FAM83B: variants seen among roughly 807,000 people sequenced by gnomAD.
FAM83B encodes scaffolding CK1 anchoring protein B.
In FAM83B, 26 loss-of-function variants were observed where a neutral mutation model predicts 38.8. The ratio of observed to expected loss-of-function variants is 0.67; its 90% CI spans 0.49 to 0.93. FAM83B has a LOEUF of 0.93. FAM83B is among the 40% of genes least tolerant of loss of function. The pLI is 0.00. For missense variants in FAM83B, 1,237 were observed against 1,197.3 expected (o/e 1.03, Z -0.49); for synonymous variants, 419 against 423.1 (o/e 0.99, Z 0.12).
intron 2 of FAM83B, among the ~76,000 whole-genome samples, chr6:54,871,600 G>A (rs564413107): frequency 2.0e-4 from 29 of 142,886 alleles, no homozygotes; most frequent in South Asian, 2.2e-4. Context: ...ATAATAAGCC[G>A]GATGTGGTGG....
At position 54,942,469 on chromosome 6, in the gene FAM83B, G is replaced by A. The variant is rs576192221; in HGVS notation, c.*462G>A. 2.6e-5 allele frequency among the ~76,000 whole-genome samples: 4 copies of A among 152,052 alleles called. No individual in the cohort carries two copies. Among genetic ancestry groups the A allele is most frequent in the South Asian group, 2.1e-4 (1 of 4,816 alleles). ...TTTTAAGATTAACTTGAAGTTCTAC[G>A]GGATAACTTGTTATATTTTATTAAT... is the stretch of plus-strand genomic sequence containing the variant. On this transcript the variant is annotated 3_prime_UTR_variant, in exon 5 of 5. Coordinates refer to ENST00000306858, the MANE Select transcript of FAM83B (RefSeq NM_001010872.3).
chr6:54,900,426 T>A (rs1467812463), intron 2 of FAM83B, among the ~76,000 whole-genome samples: 1 of 152,172 alleles, frequency 6.6e-6, no homozygotes, highest in African/African-American at 2.4e-5. Context: ...TGAAGAATAT[T>A]GAAGCAGAAA....
chr6:54,918,294 A>G (rs975330076), intron 2 of FAM83B, among the ~76,000 whole-genome samples: 1 of 152,192 alleles, frequency 6.6e-6, no homozygotes, highest in Admixed American at 6.5e-5. Context: ...TGATCCTTCA[A>G]TAGCAGCAAG....
intron 4 of FAM83B, among the ~76,000 whole-genome samples, chr6:54,930,755 A>G (rs553239152): frequency 6.6e-6 from 1 of 151,616 alleles, no homozygotes; most frequent in East Asian, 1.9e-4. Flanking sequence ...TGTTTTTTCT[A>G]GTTTCTTGAG....
intron 2 of FAM83B, among the ~76,000 whole-genome samples, chr6:54,892,650 A>T (rs2127580634): frequency 6.6e-6 from 1 of 150,840 alleles, no homozygotes; most frequent in South Asian, 2.1e-4. Flanking sequence ...TTTTCTTCCA[A>T]AAATACTCTT....
chr6:54,888,585 C>T (rs967164262), intron 2 of FAM83B, among the ~76,000 whole-genome samples: 1 of 151,876 alleles, frequency 6.6e-6, no homozygotes, highest in African/African-American at 2.4e-5. Flanking sequence ...TATCTTTAGG[C>T]CTTCATAGTT....
At chr6:54,926,804 C>G (rs1448415389) in intron 3 of FAM83B, among the ~76,000 whole-genome samples, 1 of 152,240 alleles carries the variant, frequency 6.6e-6, no homozygotes, top group Non-Finnish European at 1.5e-5. Context: ...GCATTCTCAG[C>G]TCACTGCTAC....
In FAM83B at chr6:54,940,812, T is replaced by C; in HGVS notation, c.1841T>C (p.Leu614Ser). 2 of 1,613,992 alleles carry C rather than the reference T, an allele frequency of 1.2e-6. No individual in the cohort carries two copies. Among genetic ancestry groups the C allele is most frequent in the Non-Finnish European group, 8.5e-7 (1 of 1,179,996 alleles). ...TCAGAGGCACCAAAAATGCACACCTTGCAGGTTCCTGAAAACCACTCAGTA... is the reference window on the plus strand; with the variant it reads ...TCAGAGGCACCAAAAATGCACACCTCGCAGGTTCCTGAAAACCACTCAGTA... ...LQSEAPKMHT[L>S]QVPENHSVAL... The change falls in exon 5 of 5, where the codon TTG (leucine) becomes TCG (serine). Residue 614 changes from leucine (L) to serine (S), a missense_variant. Physicochemically the swap from Leu to Ser is moderately radical, Grantham distance 145. Coordinates refer to ENST00000306858, the MANE Select transcript of FAM83B (RefSeq NM_001010872.3).
intron 2 of FAM83B, among the ~76,000 whole-genome samples, chr6:54,909,624 A>G (rs1948818): frequency 0.03 from 4,564 of 152,310 alleles, 238 homozygotes; most frequent in African/African-American, 0.1. Context: ...ATTGAGTTAT[A>G]TTAGTTAATT....
At chr6:54,909,066 T>G (rs1017744542) in intron 2 of FAM83B, among the ~76,000 whole-genome samples, 1 of 152,212 alleles carries the variant, frequency 6.6e-6, no homozygotes, top group Non-Finnish European at 1.5e-5. Context: ...ACACAACTCA[T>G]AGAGCTGTTT....
At chr6:54,912,466 T>C (rs777717055) in intron 2 of FAM83B, among the ~76,000 whole-genome samples, 2 of 150,572 alleles carry the variant, frequency 1.3e-5, no homozygotes, top group Non-Finnish European at 3.0e-5. Context: ...GAGATTTTAA[T>C]CATTACTTGA....
intron 2 of FAM83B, among the ~76,000 whole-genome samples, chr6:54,894,432 G>A (rs1772471849): frequency 2.0e-5 from 3 of 152,060 alleles, no homozygotes; most frequent in South Asian, 2.1e-4. Context: ...AATATGATAC[G>A]CATTCTGTAA....
chr6:54,855,187 C>A (rs1365750946), intron 1 of FAM83B, among the ~76,000 whole-genome samples: 3 of 152,068 alleles, frequency 2.0e-5, no homozygotes, highest in African/African-American at 7.2e-5. Flanking sequence ...ATGCTGGCAG[C>A]CCCATGTACA....
intron 2 of FAM83B, among the ~76,000 whole-genome samples, chr6:54,885,672 A>G (rs1772257214): frequency 6.6e-6 from 1 of 152,148 alleles, no homozygotes; most frequent in South Asian, 2.1e-4. Flanking sequence ...AATGTAAACA[A>G]TACTTGCTAT....
chr6:54,852,436 A>G (rs980041307), intron 1 of FAM83B, among the ~76,000 whole-genome samples: 3 of 152,200 alleles, frequency 2.0e-5, no homozygotes, highest in African/African-American at 7.2e-5. Context: ...ATGTGCACAT[A>G]TGACAGTGAA....
chr6:54,893,437 A>G (rs1772449476), intron 2 of FAM83B, among the ~76,000 whole-genome samples: 1 of 152,122 alleles, frequency 6.6e-6, no homozygotes, highest in African/African-American at 2.4e-5. Context: ...AAACATGTAA[A>G]TACATAAAAG....
At position 54,926,885 on chromosome 6, in the gene FAM83B, C is replaced by A. The variant is rs972729348; in HGVS notation, c.609+350C>A. ...TAGCTGGGATTACAGGTGCCCGCCA[C>A]CATGCCCAGCTAATTTTTTTTGTAT... On this transcript the variant is annotated intron_variant, in intron 3 of 4. Coordinates refer to ENST00000306858, the MANE Select transcript of FAM83B (RefSeq NM_001010872.3). Among the ~76,000 whole-genome samples the A allele has an allele frequency of 1.1e-4, 17 of 152,136 alleles. No individual in the cohort carries two copies. In the East Asian group the frequency reaches 2.7e-3, roughly 24 times the overall value.
chr6:54,901,677 C>T (rs749278555), intron 2 of FAM83B, among the ~76,000 whole-genome samples: 28 of 152,048 alleles, frequency 1.8e-4, no homozygotes, highest in Non-Finnish European at 3.8e-4. Flanking sequence ...TGAAGTTATG[C>T]GGTCAAGGTA....
Position 54,848,995 on chromosome 6 carries a change from G to C in FAM83B, c.-61+2169G>C, listed in dbSNP as rs1771204000. Among the ~76,000 whole-genome samples the C allele has an allele frequency of 3.3e-5, 5 of 152,270 alleles. No homozygotes were observed. In the South Asian group the frequency reaches 1.0e-3, roughly 32 times the overall value. On this transcript the variant is annotated intron_variant, in intron 1 of 4. Transcript: ENST00000306858. ...CACAATTCACCTTTTTAAACACAAT[G>C]TTTTGTTCATTTTGAAATGTGCTTT... is the stretch of plus-strand genomic sequence containing the variant.
Sources: gnomAD v4.1 joint callset for allele counts (sites outside exome capture counted in the v4.1 genomes callset) on GRCh38, gnomAD v4.1.1 for gene constraint, MANE v1.5 for transcripts, NCBI Gene and HGNC (gene_info 2026-07-23, HGNC 2026-07-21) for gene names.